Variants in CHRM3 observed in about 807,000 individuals in gnomAD.
CHRM3 encodes muscarinic acetylcholine receptor M3.
Under a neutral mutation model 41.8 loss-of-function variants are expected in CHRM3, and 11 were observed. The ratio of observed to expected loss-of-function variants is 0.26; its 90% CI spans 0.17 to 0.44. The LOEUF (loss-of-function observed/expected upper bound fraction) is 0.44. Ranked by LOEUF, CHRM3 falls within the 20% of genes least tolerant of loss-of-function variation. CHRM3 has a pLI of 1.00. For synonymous variants in CHRM3, 297 were observed against 301.4 expected, an observed-to-expected ratio of 0.99 and a Z score of 0.15; for missense variants, 571 against 745.4, an observed-to-expected ratio of 0.77 and a Z score of 2.72.
intron 3 of CHRM3, among the ~76,000 whole-genome samples, chr1:239,615,017 A>G (rs1357670064): frequency 6.6e-6 from 1 of 152,224 alleles, no homozygotes; most frequent in Admixed American, 6.5e-5. Context: ...TCAAATAAAA[A>G]GCATATAGCC....
At chr1:239,799,133 T>A (rs666979) in intron 5 of CHRM3, among the ~76,000 whole-genome samples, 63,872 of 151,812 alleles carry the variant, frequency 0.42, 14,126 homozygotes, top group African/African-American at 0.56. Context: ...GAAGAGAGAA[T>A]GTTAAAAAGA....
At chr1:239,784,894 T>G (rs914453417) in intron 5 of CHRM3, among the ~76,000 whole-genome samples, 1 of 152,200 alleles carries the variant, frequency 6.6e-6, no homozygotes, top group Non-Finnish European at 1.5e-5. Context: ...TCCAGCTCTA[T>G]TTTTCAGTGA....
At chr1:239,643,399 C>G (rs1454797520) in intron 4 of CHRM3, among the ~76,000 whole-genome samples, 2 of 152,208 alleles carry the variant, frequency 1.3e-5, no homozygotes, top group South Asian at 2.1e-4. Flanking sequence ...GGCAGGCCTC[C>G]TTGAGCTGTG....
At chr1:239,702,651 G>A (rs1275362517) in intron 5 of CHRM3, among the ~76,000 whole-genome samples, 5 of 152,184 alleles carry the variant, frequency 3.3e-5, no homozygotes, top group African/African-American at 1.2e-4. Context: ...CTGTTGCCCA[G>A]GCTGGAGTGA....
chr1:239,728,559 C>T (rs1353145666), intron 5 of CHRM3, among the ~76,000 whole-genome samples: 1 of 151,918 alleles, frequency 6.6e-6, no homozygotes, highest in Non-Finnish European at 1.5e-5. Flanking sequence ...GGATAAATTG[C>T]TCTTCAAAAT....
intron 4 of CHRM3, among the ~76,000 whole-genome samples, chr1:239,647,860 G>A (rs1411750441): frequency 6.6e-6 from 1 of 152,016 alleles, no homozygotes. Flanking sequence ...TTCCTAGCTG[G>A]CTCAAAATTG....
At chr1:239,448,554 ACT>A (rs1664317375) in intron 1 of CHRM3, among the ~76,000 whole-genome samples, 1 of 152,066 alleles carries the variant, frequency 6.6e-6, no homozygotes, top group Non-Finnish European at 1.5e-5. Flanking sequence ...AAACATGAAC[ACT>A]CTATCAAGTT....
chr1:239,895,623 T>C (rs191588445), intron 6 of CHRM3, among the ~76,000 whole-genome samples: 60 of 152,308 alleles, frequency 3.9e-4, no homozygotes, highest in African/African-American at 1.1e-3. Context: ...ACATACACTG[T>C]GGAATACTAT....
intron 5 of CHRM3, among the ~76,000 whole-genome samples, chr1:239,737,284 A>G (rs1664473535): frequency 6.6e-6 from 1 of 152,206 alleles, no homozygotes; most frequent in Non-Finnish European, 1.5e-5. Context: ...AGTAGTGAGT[A>G]AAGCCACTTT....
chr1:239,556,300 T>G (rs933734285), intron 3 of CHRM3, among the ~76,000 whole-genome samples: 2 of 152,178 alleles, frequency 1.3e-5, no homozygotes, highest in African/African-American at 4.8e-5. Flanking sequence ...CAGAATATTT[T>G]TGGAGTCATT....
intron 2 of CHRM3, among the ~76,000 whole-genome samples, chr1:239,501,163 G>C (rs1487385437): frequency 1.3e-5 from 2 of 152,130 alleles, no homozygotes; most frequent in Admixed American, 1.3e-4. Context: ...GAAATACACA[G>C]CAACACAGTA....
intron 6 of CHRM3, among the ~76,000 whole-genome samples, chr1:239,892,506 A>T (rs1489365042): frequency 1.3e-5 from 2 of 152,234 alleles, no homozygotes; most frequent in Admixed American, 1.3e-4. Context: ...CTTAAACTTC[A>T]TTGCAATCCT....
intron 5 of CHRM3, among the ~76,000 whole-genome samples, chr1:239,702,205 C>T (rs1046775898): frequency 3.9e-5 from 6 of 152,166 alleles, no homozygotes; most frequent in East Asian, 3.9e-4. Context: ...TACTTAAATT[C>T]GTCACTGATC....
intron 1 of CHRM3, among the ~76,000 whole-genome samples, chr1:239,403,890 T>C (rs955631762): frequency 2.1e-5 from 3 of 144,626 alleles, no homozygotes; most frequent in Non-Finnish European, 4.5e-5. Context: ...CCTTAGATAG[T>C]ACTTCTGCTT....
At chr1:239,428,740 T>C (rs1662594540) in intron 1 of CHRM3, among the ~76,000 whole-genome samples, 1 of 152,182 alleles carries the variant, frequency 6.6e-6, no homozygotes, top group South Asian at 2.1e-4. Flanking sequence ...TACAGCAAAA[T>C]TTATAATATG....
chr1:239,655,000 C>T (rs147301068), intron 4 of CHRM3, among the ~76,000 whole-genome samples: 85 of 152,280 alleles, frequency 5.6e-4, no homozygotes, highest in African/African-American at 1.8e-3. Context: ...TGCTACTGGA[C>T]GTTGTTCTTA....
At chr1:239,549,345 A>C (rs2148430363) in intron 3 of CHRM3, among the ~76,000 whole-genome samples, 1 of 152,104 alleles carries the variant, frequency 6.6e-6, no homozygotes, top group Non-Finnish European at 1.5e-5. Flanking sequence ...CACAAATTAA[A>C]TTATGTATGT....
chr1:239,812,109 A>C (rs543540), intron 5 of CHRM3, among the ~76,000 whole-genome samples: 26,688 of 152,108 alleles, frequency 0.18, 2,960 homozygotes, highest in East Asian at 0.32. Flanking sequence ...GCACTATCTC[A>C]GCTCATTACA....
chr1:239,647,293 T>G (rs1671821342), intron 4 of CHRM3, among the ~76,000 whole-genome samples: 1 of 152,164 alleles, frequency 6.6e-6, no homozygotes, highest in African/African-American at 2.4e-5. Flanking sequence ...GTAAAGACCT[T>G]CTAGTTGATA....
Sources: allele counts gnomAD v4.1 joint callset (sites outside exome capture counted in the v4.1 genomes callset), GRCh38; gene constraint gnomAD v4.1.1; transcripts MANE v1.5; gene names NCBI Gene and HGNC (gene_info 2026-07-23, HGNC 2026-07-21).